Variants in SCHIP1 observed in about 807,000 individuals in gnomAD.
The protein encoded by SCHIP1 is schwannomin interacting protein 1.
Under a neutral mutation model 29.7 loss-of-function variants are expected in SCHIP1, and 8 were observed. That is an observed-to-expected ratio of 0.27 (90% CI 0.16 to 0.49). SCHIP1 has a LOEUF of 0.49. Among genes scored for constraint, SCHIP1 ranks in the 20% least tolerant of loss-of-function variants. SCHIP1 has a pLI of 0.99. For missense variants in SCHIP1, 193 were observed against 294.6 expected (o/e 0.66, Z 2.52); for synonymous variants, 76 against 94.9 (o/e 0.80, Z 1.16).
chr3:159,554,166 G>C, the SCHIP1 span, among the ~76,000 whole-genome samples: 1 of 152,078 alleles, frequency 6.6e-6, no homozygotes, highest in Non-Finnish European at 1.5e-5. Flanking sequence ...CACCTCGCCC[G>C]GTCAGTATTT....
the SCHIP1 span, among the ~76,000 whole-genome samples, chr3:159,303,806 T>C: frequency 2.0e-5 from 3 of 152,194 alleles, no homozygotes; most frequent in African/African-American, 7.2e-5. Context: ...TGGAGAAATC[T>C]TCCATAAAGT....
the SCHIP1 span, among the ~76,000 whole-genome samples, chr3:159,375,382 G>A: frequency 2.6e-5 from 4 of 152,196 alleles, no homozygotes; most frequent in South Asian, 4.1e-4. Context: ...TCCAGCTAGA[G>A]AATACAGCAT....
intron 2 of SCHIP1, among the ~76,000 whole-genome samples, chr3:159,884,349 CTGTGTGTG>C (rs10661642): frequency 2.9e-4 from 41 of 140,546 alleles, no homozygotes; most frequent in Admixed American, 1.4e-3. Flanking sequence ...GTGTCTGTGT[CTGTGTGTG>C]TGTGTGTGTG....
chr3:159,289,562 A>G, the SCHIP1 span, among the ~76,000 whole-genome samples: 1 of 152,168 alleles, frequency 6.6e-6, no homozygotes, highest in Non-Finnish European at 1.5e-5. Flanking sequence ...CACAACTACC[A>G]TTATTCTCTC....
the SCHIP1 span, among the ~76,000 whole-genome samples, chr3:159,658,252 T>C: frequency 6.6e-5 from 10 of 152,186 alleles, no homozygotes; most frequent in African/African-American, 2.4e-4. Context: ...CCCCATTCAA[T>C]GTTTATGATA....
At chr3:159,401,750 T>G in the SCHIP1 span, among the ~76,000 whole-genome samples, 1 of 152,226 alleles carries the variant, frequency 6.6e-6, no homozygotes, top group Non-Finnish European at 1.5e-5. Context: ...TGAATGGTAT[T>G]GCCTAGGTTT....
the SCHIP1 span, among the ~76,000 whole-genome samples, chr3:159,472,557 T>G: frequency 6.6e-6 from 1 of 152,204 alleles, no homozygotes; most frequent in Admixed American, 6.5e-5. Flanking sequence ...AAGCTGTGGT[T>G]GTGTTACTAC....
the SCHIP1 span, among the ~76,000 whole-genome samples, chr3:159,637,897 C>T: frequency 8.1e-4 from 123 of 152,136 alleles, 3 homozygotes; most frequent in East Asian, 0.023. Flanking sequence ...TGCTTATGCC[C>T]ATAGAATTAA....
the SCHIP1 span, among the ~76,000 whole-genome samples, chr3:159,456,844 C>T: frequency 6.6e-6 from 1 of 151,994 alleles, no homozygotes; most frequent in East Asian, 1.9e-4. Context: ...AAGTGTGTAT[C>T]CTCATAAAAA....
the SCHIP1 span, among the ~76,000 whole-genome samples, chr3:159,698,961 T>A: frequency 3.3e-5 from 5 of 152,202 alleles, no homozygotes; most frequent in Non-Finnish European, 5.9e-5. Flanking sequence ...TAGTTACTTC[T>A]AAGACCACTT....
At chr3:159,644,116 C>T in the SCHIP1 span, among the ~76,000 whole-genome samples, 1 of 152,068 alleles carries the variant, frequency 6.6e-6, no homozygotes, top group Non-Finnish European at 1.5e-5. Context: ...AACCTGCCCA[C>T]CCATTTTCCT....
chr3:159,778,678 A>C, the SCHIP1 span, among the ~76,000 whole-genome samples: 2 of 152,308 alleles, frequency 1.3e-5, no homozygotes, highest in African/African-American at 4.8e-5. Flanking sequence ...ACAGGCATGA[A>C]ATTTAAGTAA....
the SCHIP1 span, among the ~76,000 whole-genome samples, chr3:159,623,093 T>C: frequency 6.6e-6 from 1 of 152,162 alleles, no homozygotes; most frequent in Non-Finnish European, 1.5e-5. Context: ...TTCTCTTAAA[T>C]GAATGATCCT....
the SCHIP1 span, among the ~76,000 whole-genome samples, chr3:159,420,358 C>G: frequency 3.9e-5 from 6 of 152,086 alleles, no homozygotes; most frequent in Admixed American, 3.9e-4. Flanking sequence ...AACAATGGAG[C>G]AGTGGGGAAA....
chr3:159,471,380 A>C, the SCHIP1 span, among the ~76,000 whole-genome samples: 1 of 152,176 alleles, frequency 6.6e-6, no homozygotes, highest in Non-Finnish European at 1.5e-5. Context: ...AAGATTCTTC[A>C]GTAAATTGTC....
At chr3:159,534,016 G>C in the SCHIP1 span, among the ~76,000 whole-genome samples, 49 of 152,274 alleles carry the variant, frequency 3.2e-4, 1 homozygote, top group African/African-American at 1.1e-3. Flanking sequence ...CAAATGGTTT[G>C]GTCATCTTCA....
the SCHIP1 span, among the ~76,000 whole-genome samples, chr3:159,354,653 T>C: frequency 6.6e-6 from 1 of 152,140 alleles, no homozygotes; most frequent in African/African-American, 2.4e-5. Flanking sequence ...GAAGAAGGAC[T>C]GATGATGCCT....
chr3:159,590,477 G>C, the SCHIP1 span, among the ~76,000 whole-genome samples: 1 of 152,138 alleles, frequency 6.6e-6, no homozygotes, highest in Non-Finnish European at 1.5e-5. Flanking sequence ...TTGGGAAGCT[G>C]ATGCAGAAGA....
chr3:159,587,211 G>C, the SCHIP1 span, among the ~76,000 whole-genome samples: 11,238 of 152,226 alleles, frequency 0.074, 612 homozygotes, highest in East Asian at 0.2. Context: ...ATGTGATTCT[G>C]ATGCACAATC....
Sources: gnomAD v4.1 joint callset for allele counts (sites outside exome capture counted in the v4.1 genomes callset) on GRCh38, gnomAD v4.1.1 for gene constraint, MANE v1.5 for transcripts, NCBI Gene and HGNC (gene_info 2026-07-23, HGNC 2026-07-21) for gene names.